CDH18: variants seen among roughly 807,000 people sequenced by gnomAD.
CDH18 encodes cadherin 18, also known as cadherin-18.
In CDH18, 31 loss-of-function variants were observed where a neutral mutation model predicts 67.9. The ratio of observed to expected loss-of-function variants is 0.46; its 90% CI spans 0.34 to 0.62. The LOEUF is 0.62. CDH18 is among the 20% of genes least tolerant of loss of function. CDH18 has a pLI of 0.01. For missense variants in CDH18, 890 were observed against 975.5 expected (o/e 0.91, Z 1.17); for synonymous variants, 362 against 347.2 (o/e 1.04, Z -0.48).
intron 2 of CDH18, among the ~76,000 whole-genome samples, chr5:20,064,893 G>C (rs1290445031): frequency 6.6e-6 from 1 of 151,910 alleles, no homozygotes; most frequent in African/African-American, 2.4e-5. Context: ...ACATATAATA[G>C]AAATATTATT....
intron 2 of CDH18, among the ~76,000 whole-genome samples, chr5:19,904,328 A>G (rs1049366162): frequency 7.4e-6 from 1 of 134,320 alleles, no homozygotes. Flanking sequence ...AGAAAAGAAA[A>G]GAGAGAGAAG....
intron 2 of CDH18, among the ~76,000 whole-genome samples, chr5:19,875,441 TCG>T (rs547802926): frequency 2.6e-3 from 358 of 136,088 alleles, no homozygotes; most frequent in African/African-American, 0.013. Flanking sequence ...GATAGATAGA[TCG>T]ATCGATCTAT....
At chr5:19,805,902 T>A (rs1400355980) in intron 3 of CDH18, among the ~76,000 whole-genome samples, 1 of 152,192 alleles carries the variant, frequency 6.6e-6, no homozygotes, top group African/African-American at 2.4e-5. Flanking sequence ...CACTTGGTAA[T>A]CTCCCAGTGG....
intron 1 of CDH18, among the ~76,000 whole-genome samples, chr5:20,522,028 G>T (rs1256253123): frequency 3.9e-5 from 6 of 152,180 alleles, no homozygotes; most frequent in African/African-American, 1.4e-4. Flanking sequence ...AAGTTAAAAT[G>T]AGGTATTCAA....
chr5:20,172,221 T>TATATATATACACAC (rs1554098770), intron 2 of CDH18, among the ~76,000 whole-genome samples: 7 of 78,326 alleles, frequency 8.9e-5, no homozygotes, highest in African/African-American at 3.9e-4. Context: ...TATATATATA[T>TATATATATACACAC]ATGTATATAT....
At chr5:19,674,807 G>T (rs2150362046) in intron 5 of CDH18, among the ~76,000 whole-genome samples, 2 of 152,142 alleles carry the variant, frequency 1.3e-5, no homozygotes, top group Middle Eastern at 6.8e-3. Flanking sequence ...TAACACACCG[G>T]TTTATCGTTA....
chr5:20,186,635 A>G (rs967345188), intron 2 of CDH18, among the ~76,000 whole-genome samples: 1 of 151,996 alleles, frequency 6.6e-6, no homozygotes, highest in Admixed American at 6.6e-5. Context: ...ACTGAGAATC[A>G]TTAGAAAAAA....
chr5:19,968,739 C>T (rs1454564941), intron 2 of CDH18, among the ~76,000 whole-genome samples: 2 of 143,548 alleles, frequency 1.4e-5, no homozygotes, highest in South Asian at 4.2e-4. Context: ...CCATCAAAAC[C>T]CTAGAAGAAA....
chr5:19,977,394 T>A (rs953873259), intron 2 of CDH18, among the ~76,000 whole-genome samples: 7 of 152,118 alleles, frequency 4.6e-5, no homozygotes, highest in African/African-American at 1.7e-4. Flanking sequence ...ATTCAATTAT[T>A]TGAATGAGGC....
chr5:20,380,673 C>G (rs1165400472), intron 1 of CDH18, among the ~76,000 whole-genome samples: 2 of 152,028 alleles, frequency 1.3e-5, no homozygotes, highest in Non-Finnish European at 2.9e-5. Context: ...TTTCTTTGGT[C>G]TGTATGAAAT....
chr5:20,480,979 G>C (rs79311580), intron 1 of CDH18, among the ~76,000 whole-genome samples: 8,360 of 151,924 alleles, frequency 0.055, 764 homozygotes, highest in African/African-American at 0.19. Context: ...AAATAGCAAG[G>C]TGAAGCCTTC....
At chr5:20,523,838 C>T (rs1333270565) in intron 1 of CDH18, among the ~76,000 whole-genome samples, 2 of 152,138 alleles carry the variant, frequency 1.3e-5, no homozygotes, top group Non-Finnish European at 2.9e-5. Context: ...GTGCACCTGG[C>T]CCATAACTTT....
intron 1 of CDH18, among the ~76,000 whole-genome samples, chr5:20,344,014 C>G (rs186546069): frequency 6.6e-6 from 1 of 151,992 alleles, no homozygotes; most frequent in African/African-American, 2.4e-5. Flanking sequence ...TGGAAGGGCT[C>G]CATAAAAGAA....
At chr5:19,997,931 C>CAG (rs1462489050) in intron 2 of CDH18, among the ~76,000 whole-genome samples, 2 of 152,058 alleles carry the variant, frequency 1.3e-5, no homozygotes, top group African/African-American at 4.8e-5. Flanking sequence ...AGGAAGAAGG[C>CAG]AGAGAGCATG....
intron 12 of CDH18, among the ~76,000 whole-genome samples, chr5:19,476,709 A>C (rs974177565): frequency 4.6e-5 from 7 of 152,070 alleles, no homozygotes; most frequent in Non-Finnish European, 1.0e-4. Flanking sequence ...TCTTACCTTC[A>C]CCAATAAATC....
intron 2 of CDH18, among the ~76,000 whole-genome samples, chr5:20,191,021 T>C (rs1738493914): frequency 6.6e-6 from 1 of 152,158 alleles, no homozygotes; most frequent in African/African-American, 2.4e-5. Context: ...CTACTGTCTA[T>C]GGCAGTGAAG....
chr5:20,026,655 A>T (rs1406033670), intron 2 of CDH18, among the ~76,000 whole-genome samples: 1 of 152,258 alleles, frequency 6.6e-6, no homozygotes, highest in Non-Finnish European at 1.5e-5. Context: ...CAATAAGGTT[A>T]ACATAGTCTG....
intron 1 of CDH18, among the ~76,000 whole-genome samples, chr5:20,353,474 G>A (rs2150060827): frequency 6.6e-6 from 1 of 152,200 alleles, no homozygotes; most frequent in Non-Finnish European, 1.5e-5. Flanking sequence ...CCTAGAACAA[G>A]CTCAAAAAAG....
At chr5:19,834,942 C>G (rs1781458491) in intron 3 of CDH18, among the ~76,000 whole-genome samples, 1 of 152,060 alleles carries the variant, frequency 6.6e-6, no homozygotes, top group Non-Finnish European at 1.5e-5. Context: ...ATTGGTTCAA[C>G]CATTGTGGAA....
Sources: gnomAD v4.1 joint callset for allele counts (sites outside exome capture counted in the v4.1 genomes callset) on GRCh38, gnomAD v4.1.1 for gene constraint, MANE v1.5 for transcripts, NCBI Gene and HGNC (gene_info 2026-07-23, HGNC 2026-07-21) for gene names.